MYT1L: variants seen among roughly 807,000 people sequenced by gnomAD.
MYT1L encodes the protein myelin transcription factor 1-like protein.
A neutral mutation model predicts 126.7 loss-of-function variants in MYT1L; 12 were observed. The observed-to-expected ratio is 0.09, with a 90% confidence interval of 0.06 to 0.15. The LOEUF is 0.15. Among genes scored for constraint, MYT1L ranks in the 10% least tolerant of loss-of-function variants. The pLI, the probability that MYT1L is intolerant of heterozygous loss-of-function variation, is 1.00. For missense variants in MYT1L, 979 were observed against 1,585.2 expected, an observed-to-expected ratio of 0.62 and a Z score of 6.49; for synonymous variants, 541 against 604.2, an observed-to-expected ratio of 0.90 and a Z score of 1.53.
chr2:2,269,663 A>G (rs2149333849), intron 2 of MYT1L, among the ~76,000 whole-genome samples: 1 of 152,266 alleles, frequency 6.6e-6, no homozygotes, highest in Admixed American at 6.5e-5. Context: ...AATCTCCAGT[A>G]GCCCCTGGAT....
intron 3 of MYT1L, among the ~76,000 whole-genome samples, chr2:2,146,743 A>G (rs1290445430): frequency 2.0e-5 from 3 of 152,040 alleles, no homozygotes; most frequent in Non-Finnish European, 4.4e-5. Flanking sequence ...TCTTGGTGCA[A>G]TTTTCGTAGA....
intron 8 of MYT1L, among the ~76,000 whole-genome samples, chr2:1,966,518 TC>T (rs2059371268): frequency 1.3e-5 from 2 of 151,902 alleles, no homozygotes; most frequent in Admixed American, 1.3e-4. Context: ...CTCCATGCCC[TC>T]CCCTCCCTCA....
At chr2:2,191,272 G>A (rs1430979418) in intron 2 of MYT1L, among the ~76,000 whole-genome samples, 1 of 152,218 alleles carries the variant, frequency 6.6e-6, no homozygotes, top group Non-Finnish European at 1.5e-5. Context: ...CCCTCTTAGG[G>A]CCAATGGCAA....
Position 1,943,238 on chromosome 2 carries a change from G to A in MYT1L, c.249C>T (p.Asp83=). 6.4e-7 allele frequency: 1 copy of A among 1,554,296 alleles called. No individual in the cohort carries two copies. Among genetic ancestry groups the A allele is most frequent in the Non-Finnish European group, 8.7e-7 (1 of 1,148,250 alleles). ...CGTCACACTCATCCACTGAGGAGCT[G>A]TCTGCTTTCACGGCAAATGGCTTTC... ...PKRKPFAVKA[D]SSSVDECDDS... is the part of the protein sequence containing the mutation. Residue 83 remains aspartate, a synonymous_variant, in exon 9 of 25, where the codon GAC becomes GAT. Transcript: ENST00000647738. The surrounding 1 kb of genome is among the most constrained non-coding windows in gnomAD (Gnocchi z 4.4).
rs148136211 is a variant in MYT1L, at chr2:2,154,719, C to G, written c.-304+18153G>C. ...GGAGGGAGAGGAGCAGGAAAAATAA[C>G]TAAGGTGCTAGACCTAATGCCTGGG... On this transcript the variant is annotated intron_variant, in intron 3 of 24. Coordinates refer to ENST00000647738, the MANE Select transcript of MYT1L (RefSeq NM_001303052.2). 1.1e-3 allele frequency among the ~76,000 whole-genome samples: 173 copies of G among 152,318 alleles called. 1 individual carries two copies. The highest frequency in any genetic ancestry group is 3.5e-3 in the African/African-American group (147 of 41,580).
chr2:2,023,468 C>T (rs2065229347), intron 4 of MYT1L, among the ~76,000 whole-genome samples: 1 of 152,200 alleles, frequency 6.6e-6, no homozygotes, highest in South Asian at 2.1e-4. Context: ...TCTCTCTCCA[C>T]TTCAGGAGGC....
intron 18 of MYT1L, among the ~76,000 whole-genome samples, chr2:1,882,602 A>G (rs1364420655): frequency 6.6e-6 from 1 of 152,184 alleles, no homozygotes; most frequent in Non-Finnish European, 1.5e-5. Flanking sequence ...GGCAGTTGTA[A>G]TTCACAGAGT....
intron 4 of MYT1L, among the ~76,000 whole-genome samples, chr2:2,034,013 T>C (rs2149960906): frequency 6.6e-6 from 1 of 152,278 alleles, no homozygotes; most frequent in South Asian, 2.1e-4. Context: ...AATGAAAACA[T>C]GCCAGGGTGG....
At chr2:2,297,182 C>T (rs916520647) in intron 1 of MYT1L, among the ~76,000 whole-genome samples, 7 of 152,340 alleles carry the variant, frequency 4.6e-5, no homozygotes, top group South Asian at 2.1e-4. Context: ...AACCCTCACC[C>T]GTGGCGCCGC....
At chr2:1,967,429 C>CG (rs2059452361) in intron 8 of MYT1L, among the ~76,000 whole-genome samples, 1 of 152,170 alleles carries the variant, frequency 6.6e-6, no homozygotes, top group Non-Finnish European at 1.5e-5. Flanking sequence ...GGAGACGGCC[C>CG]GGGGTGAACG....
chr2:2,288,392 G>C (rs1378286910), intron 1 of MYT1L, among the ~76,000 whole-genome samples: 1 of 152,200 alleles, frequency 6.6e-6, no homozygotes. Flanking sequence ...CCTAGACAGA[G>C]CAAAGTATTG....
intron 3 of MYT1L, among the ~76,000 whole-genome samples, chr2:2,113,029 A>G (rs76058267): frequency 0.056 from 8,502 of 152,210 alleles, 393 homozygotes; most frequent in African/African-American, 0.12. Context: ...TGTGGCCACG[A>G]CGAGGAGCAT....
At chr2:2,114,170 T>A (rs2079889116) in intron 3 of MYT1L, among the ~76,000 whole-genome samples, 2 of 152,246 alleles carry the variant, frequency 1.3e-5, no homozygotes, top group Admixed American at 1.3e-4. Flanking sequence ...TGCAGTGGAT[T>A]GTAAGTAGGC....
In MYT1L at chr2:1,887,441, A is replaced by G. The variant is rs1262536721; in HGVS notation, c.2642+47T>C. 3.1e-6 allele frequency: 5 copies of G among 1,613,042 alleles called. No individual in the cohort carries two copies. The highest frequency in any genetic ancestry group is 4.2e-6 in the Non-Finnish European group (5 of 1,179,222). ...CCAGTTTTAAAAAATCAGCCAAAGAATGGGAAGATTAAGAAGATTCATAAT... is the reference window on the plus strand; with the variant it reads ...CCAGTTTTAAAAAATCAGCCAAAGAGTGGGAAGATTAAGAAGATTCATAAT... On this transcript the variant is annotated intron_variant, in intron 17 of 24. Coordinates refer to ENST00000647738, the MANE Select transcript of MYT1L (RefSeq NM_001303052.2). The surrounding 1 kb of genome is among the most constrained non-coding windows in gnomAD (Gnocchi z 4.8).
At chr2:1,881,353 T>TGTGTGTGTGTG (rs1344449685) in intron 18 of MYT1L, among the ~76,000 whole-genome samples, 5 of 132,666 alleles carry the variant, frequency 3.8e-5, no homozygotes, top group African/African-American at 1.4e-4. Context: ...GGTTTGCAGG[T>TGTGTGTGTGTG]TCGTGTGTGT....
intron 8 of MYT1L, among the ~76,000 whole-genome samples, chr2:1,970,228 T>C: frequency 6.6e-6 from 1 of 152,132 alleles, no homozygotes; most frequent in African/African-American, 2.4e-5. Flanking sequence ...AAGTTGTGCC[T>C]GTGAGTGACA....
At position 2,059,471 on chromosome 2, in the gene MYT1L, C is replaced by T. The variant is rs903600526; in HGVS notation, c.-303-5348G>A. Among the ~76,000 whole-genome samples, 28 of 152,174 alleles carry T rather than the reference C, an allele frequency of 1.8e-4. No individual in the cohort carries two copies. Among genetic ancestry groups the T allele is most frequent in the African/African-American group, 6.8e-4 (28 of 41,428 alleles). ...TCCGTTTGTGTTGATGAGCAGAGCC[C>T]CCTGGAACCAGGTGCATTGCCCAGT... On this transcript the variant is annotated intron_variant, in intron 3 of 24. Coordinates refer to ENST00000647738, the MANE Select transcript of MYT1L (RefSeq NM_001303052.2). The surrounding 1 kb of genome is among the most constrained non-coding windows in gnomAD (Gnocchi z 4.7).
At chr2:2,016,215 A>C (rs2064370983) in intron 4 of MYT1L, among the ~76,000 whole-genome samples, 1 of 152,226 alleles carries the variant, frequency 6.6e-6, no homozygotes, top group East Asian at 1.9e-4. Flanking sequence ...TTAGATGCCC[A>C]GGCAGGGATG....
At chr2:1,944,126 A>G (rs2056965240) in intron 8 of MYT1L, among the ~76,000 whole-genome samples, 1 of 151,990 alleles carries the variant, frequency 6.6e-6, no homozygotes, top group Non-Finnish European at 1.5e-5. Context: ...ATTATACTTT[A>G]AGTTCCAGGG....
Sources: gnomAD v4.1 joint callset for allele counts (sites outside exome capture counted in the v4.1 genomes callset) on GRCh38, gnomAD v4.1.1 for gene constraint, Gnocchi (gnomAD v3.1) non-coding constraint, MANE v1.5 for transcripts, NCBI Gene and HGNC (gene_info 2026-07-23, HGNC 2026-07-21) for gene names.